Variants in APTX observed in about 807,000 individuals in gnomAD.
APTX encodes aprataxin, also known as forkhead-associated domain histidine triad-like protein.
APTX carries 33 observed loss-of-function variants against 42.3 expected under a neutral mutation model. The ratio of observed to expected loss-of-function variants is 0.78; its 90% confidence interval spans 0.59 to 1.04. APTX has a LOEUF of 1.04. APTX is among the 50% of genes least tolerant of loss of function. The pLI is 0.00. For synonymous variants in APTX, 130 were observed against 146.7 expected (o/e 0.89, Z 0.82); for missense variants, 421 against 415.1 (o/e 1.01, Z -0.12).
chr9:32,993,071 A>T (rs1834008879), intron 1 of APTX, among the ~76,000 whole-genome samples: 1 of 152,236 alleles, frequency 6.6e-6, no homozygotes, highest in African/African-American at 2.4e-5. Context: ...ACTGACAATA[A>T]GAGAAGCCAG....
chr9:32,995,887 CAAAAAA>C (rs75109627), intron 1 of APTX, among the ~76,000 whole-genome samples: 1 of 100,694 alleles, frequency 9.9e-6, no homozygotes, highest in South Asian at 3.6e-4. Context: ...GTCTCCGTCT[CAAAAAA>C]AAAAAAAAAA....
intron 2 of APTX, among the ~76,000 whole-genome samples, chr9:32,988,568 T>C (rs1039631527): frequency 9.3e-5 from 14 of 150,984 alleles, no homozygotes; most frequent in Non-Finnish European, 1.9e-4. Flanking sequence ...TAGTCCCAGC[T>C]ACTTGGGAGA....
chr9:33,016,634 TTTAAC>T (rs1302510156), intron 1 of APTX, among the ~76,000 whole-genome samples: 28 of 152,254 alleles, frequency 1.8e-4, no homozygotes, highest in African/African-American at 5.5e-4. Context: ...ATTGTGGACT[TTTAAC>T]TTAGAGTGAC....
intron 6 of APTX, among the ~76,000 whole-genome samples, chr9:32,983,507 T>C (rs1458912626): frequency 6.6e-6 from 1 of 152,196 alleles, no homozygotes; most frequent in Non-Finnish European, 1.5e-5. Context: ...CTTTATTGTA[T>C]GTAAGTTATG....
chr9:32,975,025 C>T (rs975607650), intron 6 of APTX, among the ~76,000 whole-genome samples: 12 of 152,088 alleles, frequency 7.9e-5, no homozygotes, highest in African/African-American at 2.7e-4. Flanking sequence ...GTGATTTGAA[C>T]GGAGACAGCA....
At position 32,990,134 on chromosome 9, in the gene APTX, T is replaced by C. The variant is rs10813916; in HGVS notation, c.-4-239A>G. 0.2 allele frequency: 112,000 copies of C among 552,662 alleles called. 12,432 individuals are homozygous for C. The highest frequency in any genetic ancestry group is 0.28 in the Middle Eastern group (582 of 2,098). 34.2% of individuals were successfully genotyped at this position (552,662 alleles called of 1,614,324 possible). On this transcript the variant is annotated intron_variant, in intron 1 of 7. Transcript: ENST00000379817. ...AGTATTTACCTCCCTGCCTGAATCA[T>C]GCTAGGCAATCAAATATTTATTACA...
At chr9:32,997,482 A>G (rs1835218664) in intron 1 of APTX, 1 of 152,242 alleles carries the variant, frequency 6.6e-6, no homozygotes, top group African/African-American at 2.4e-5. Flanking sequence ...TGTCAGGAAA[A>G]AATTTCCTGG....
intron 1 of APTX, among the ~76,000 whole-genome samples, chr9:32,990,841 T>C (rs2118894933): frequency 6.6e-6 from 1 of 152,348 alleles, no homozygotes; most frequent in Middle Eastern, 3.4e-3. Flanking sequence ...TCCTTCCCTG[T>C]CATGACATAC....
At chr9:33,015,746 T>G (rs1389588500) in intron 1 of APTX, 4 of 152,214 alleles carry the variant, frequency 2.6e-5, no homozygotes, top group Non-Finnish European at 5.9e-5. Flanking sequence ...CAAGAAAACT[T>G]TTTTTTAATC....
intron 1 of APTX, among the ~76,000 whole-genome samples, chr9:33,014,289 G>C (rs991846685): frequency 6.6e-6 from 1 of 152,200 alleles, no homozygotes; most frequent in Admixed American, 6.5e-5. Context: ...ACCACCACCA[G>C]CAAGTGTGTA....
chr9:32,978,189 A>G (rs1459921645), intron 6 of APTX, among the ~76,000 whole-genome samples: 1 of 152,210 alleles, frequency 6.6e-6, no homozygotes, highest in East Asian at 1.9e-4. Flanking sequence ...TCAAAAGGGT[A>G]TACGACTTAA....
intron 1 of APTX, among the ~76,000 whole-genome samples, chr9:33,012,587 T>G (rs1554675775): frequency 6.6e-6 from 1 of 152,064 alleles, no homozygotes; most frequent in Non-Finnish European, 1.5e-5. Flanking sequence ...CTTAGCCACA[T>G]GAAGGAGAGG....
intron 2 of APTX, 115 bp downstream of exon 2, chr9:32,989,644 G>T: frequency 6.7e-7 from 1 of 1,501,476 alleles, no homozygotes. Context: ...CAGTTCCTGA[G>T]CTGTATTTTT....
chr9:33,019,078 T>C (rs914881776), intron 1 of APTX, among the ~76,000 whole-genome samples: 13 of 152,160 alleles, frequency 8.5e-5, no homozygotes, highest in Admixed American at 7.2e-4. Context: ...TAATAATGTA[T>C]CAACGTTGAT....
At chr9:32,989,987 A>G in intron 1 of APTX, 92 bp from the exon 2 acceptor site, 2 of 1,501,592 alleles carry the variant, frequency 1.3e-6, no homozygotes, top group South Asian at 1.2e-5. Flanking sequence ...CATGTGATCT[A>G]CCAGCTGTTC....
chr9:33,001,573 A>C lies in APTX; in HGVS notation c.-11T>G, dbSNP rs759370796. The stretch of plus-strand genomic sequence containing the variant: ...AGGCTGACGACCGCCTTACCTCCAG[A>C]AGTCGGAGACGGACAAATTCACGTT... On this transcript the variant is annotated 5_prime_UTR_variant, in exon 1 of 8. Transcript: ENST00000379817. 1.2e-6 allele frequency: 2 copies of C among 1,613,952 alleles called. No homozygotes were observed. The highest frequency in any genetic ancestry group is 1.7e-6 in the Non-Finnish European group (2 of 1,180,038).
At chr9:32,976,299 A>G (rs1229851241) in intron 6 of APTX, among the ~76,000 whole-genome samples, 1 of 152,210 alleles carries the variant, frequency 6.6e-6, no homozygotes, top group African/African-American at 2.4e-5. Flanking sequence ...TGATGGGCGC[A>G]GCAAACCAAC....
intron 1 of APTX, among the ~76,000 whole-genome samples, chr9:32,997,854 T>A (rs1459981124): frequency 6.6e-6 from 1 of 152,200 alleles, no homozygotes; most frequent in Non-Finnish European, 1.5e-5. Context: ...GATGAATGCA[T>A]GGACAGATCT....
chr9:32,995,887 CA>C lies in APTX; in HGVS notation c.-5+5679del, dbSNP rs75109627. 4.7e-3 allele frequency among the ~76,000 whole-genome samples: 477 copies of C among 100,642 alleles called. 1 individual carries two copies. Among genetic ancestry groups the C allele is most frequent in the Middle Eastern group, 0.01 (2 of 194 alleles). The allele number at this position is 100,642 out of a possible 152,430, so 66.0% of individuals were successfully genotyped here. A position where few individuals can be genotyped will look rare whatever the true frequency, so the allele number is the denominator to read the frequency against. On this transcript the variant is annotated intron_variant, in intron 1 of 7. Transcript: ENST00000379817. ...TGGGCGACAGAGCGAGTCTCCGTCT[CA>C]AAAAAAAAAAAAAAAAGAAATTGCC...
Sources: allele counts gnomAD v4.1 joint callset (sites outside exome capture counted in the v4.1 genomes callset), GRCh38; gene constraint gnomAD v4.1.1; transcripts MANE v1.5; gene names NCBI Gene and HGNC (gene_info 2026-07-23, HGNC 2026-07-21).